The following DROSHA variants were observed in gnomAD, a reference collection of about 807,000 sequenced individuals.
DROSHA encodes the protein drosha ribonuclease III, also known as ribonuclease 3.
Under a neutral mutation model 181.9 loss-of-function variants are expected in DROSHA, and 56 were observed. The observed-to-expected ratio is 0.31, with a 90% CI of 0.25 to 0.38. DROSHA has a LOEUF of 0.38. Among genes scored for constraint, DROSHA ranks in the 10% least tolerant of loss-of-function variants. DROSHA has a pLI of 1.00. For missense variants in DROSHA, 1,218 were observed against 1,743.5 expected (o/e 0.70, Z 5.37); for synonymous variants, 524 against 591.2 (o/e 0.89, Z 1.65).
At chr5:31,522,381 T>C (rs1481703320) in intron 5 of DROSHA, among the ~76,000 whole-genome samples, 1 of 152,152 alleles carries the variant, frequency 6.6e-6, no homozygotes, top group Non-Finnish European at 1.5e-5. Context: ...TAATTTGTAA[T>C]GGCACGGCTG....
intron 30 of DROSHA, among the ~76,000 whole-genome samples, chr5:31,418,335 G>A (rs1365434174): frequency 6.6e-6 from 1 of 152,044 alleles, no homozygotes; most frequent in Non-Finnish European, 1.5e-5. Context: ...GCCCAGCCTG[G>A]AGTGCAGTGG....
At chr5:31,424,616 ATTT>A in intron 27 of DROSHA, 145 bp from the exon 28 acceptor site, 1 of 940,850 alleles carries the variant, frequency 1.1e-6, no homozygotes, top group Non-Finnish European at 1.5e-6. Context: ...TGGCAAACTA[ATTT>A]TTTTTTTAAG....
intron 9 of DROSHA, 51 bp from the exon 10 acceptor site, chr5:31,508,826 GT>G (rs66622695): frequency 5.6e-5 from 78 of 1,401,714 alleles, no homozygotes; most frequent in Middle Eastern, 1.9e-4. Flanking sequence ...TAACAAACTG[GT>G]TTTTTTTTTT....
intron 31 of DROSHA, 41 bp downstream of exon 31, chr5:31,410,705 C>A (rs1207794652): frequency 6.3e-7 from 1 of 1,595,538 alleles, no homozygotes; most frequent in Admixed American, 1.7e-5. Context: ...TGGACTTAAA[C>A]TCTGAACCTG....
intron 23 of DROSHA, among the ~76,000 whole-genome samples, chr5:31,446,092 T>C (rs1746211898): frequency 6.6e-6 from 1 of 152,110 alleles, no homozygotes. Context: ...ATAAAACCAA[T>C]ACACAAAAAT....
At chr5:31,464,388 C>CA in intron 19 of DROSHA, 45 bp from the exon 20 acceptor site, 1 of 1,545,600 alleles carries the variant, frequency 6.5e-7, no homozygotes, top group South Asian at 1.1e-5. Context: ...TGCTATAAAG[C>CA]AATAGTAAGC....
At chr5:31,473,289 C>T (rs1041967426) in intron 16 of DROSHA, among the ~76,000 whole-genome samples, 8 of 152,174 alleles carry the variant, frequency 5.3e-5, no homozygotes, top group Non-Finnish European at 1.2e-4. Flanking sequence ...ATGTGAATTG[C>T]TGTGGGCTAA....
intron 35 of DROSHA, among the ~76,000 whole-genome samples, chr5:31,402,488 TTTTCTG>T (rs143694073): frequency 0.017 from 2,564 of 152,306 alleles, 65 homozygotes; most frequent in African/African-American, 0.057. Flanking sequence ...TTGTTAATCT[TTTTCTG>T]TGCCTGATTT....
chr5:31,484,014 T>A (rs984253540), intron 15 of DROSHA, among the ~76,000 whole-genome samples: 1 of 152,118 alleles, frequency 6.6e-6, no homozygotes, highest in African/African-American at 2.4e-5. Context: ...AAAAAAATGT[T>A]GAGAAATGCT....
intron 6 of DROSHA, among the ~76,000 whole-genome samples, chr5:31,515,869 A>G (rs1323241259): frequency 6.6e-6 from 1 of 152,224 alleles, no homozygotes; most frequent in Admixed American, 6.5e-5. Context: ...AACTCAGTCA[A>G]TAAAGAAAGA....
intron 6 of DROSHA, among the ~76,000 whole-genome samples, chr5:31,517,739 G>GA (rs1207899651): frequency 6.6e-6 from 1 of 151,694 alleles, no homozygotes; most frequent in African/African-American, 2.4e-5. Flanking sequence ...CTATCCCAAG[G>GA]AAAAATTAAA....
Position 31,508,665 on chromosome 5 carries a change from G to T in DROSHA, c.1543C>A (p.Pro515Thr). Residue 515 changes from proline (P) to threonine (T), a missense_variant, in exon 10 of 36, where the codon CCT becomes ACT. Physicochemically the swap from Pro to Thr is conservative, Grantham distance 38 (BLOSUM62 -1). Around this residue, in one of 8 missense-constraint regions of DROSHA, gnomAD observed 460 missense variants for 774.2 expected, o/e 0.59. Coordinates refer to ENST00000344624, the MANE Select transcript of DROSHA (RefSeq NM_001382508.1). ...CAAAGTTCATCATGAAGTCGGTCAGGGTGGGCCTTTTTGCGTTTGATTTCT... is the reference window on the plus strand; with the variant it reads ...CAAAGTTCATCATGAAGTCGGTCAGTGTGGGCCTTTTTGCGTTTGATTTCT... ...IAEIKRKKAHPDRLHDELWYN... is the reference protein window; with the variant it reads ...IAEIKRKKAHTDRLHDELWYN... 6.2e-7 allele frequency: 1 copy of T among 1,613,910 alleles called. No individual in the cohort carries two copies. Among genetic ancestry groups the T allele is most frequent in the Non-Finnish European group, 8.5e-7 (1 of 1,179,862 alleles).
At chr5:31,441,726 T>C (rs1745620232) in intron 23 of DROSHA, among the ~76,000 whole-genome samples, 1 of 152,204 alleles carries the variant, frequency 6.6e-6, no homozygotes, top group Non-Finnish European at 1.5e-5. Flanking sequence ...AAGAAACCTA[T>C]TAAGCTGCTG....
chr5:31,478,297 T>C (rs891318548), intron 16 of DROSHA, among the ~76,000 whole-genome samples: 2 of 152,306 alleles, frequency 1.3e-5, no homozygotes, highest in South Asian at 4.1e-4. Context: ...CGACAGCTGA[T>C]GAGATTAAAA....
intron 26 of DROSHA, among the ~76,000 whole-genome samples, chr5:31,430,455 T>G (rs1240126940): frequency 1.3e-5 from 2 of 152,174 alleles, no homozygotes; most frequent in Non-Finnish European, 2.9e-5. Flanking sequence ...TTGCTCTGGA[T>G]TGGATGCTGC....
At chr5:31,467,826 A>G in intron 18 of DROSHA, 113 bp downstream of exon 18, 1 of 1,374,650 alleles carries the variant, frequency 7.3e-7, no homozygotes, top group Non-Finnish European at 9.8e-7. Flanking sequence ...AGTATGGCTC[A>G]TTTCAGGTCT....
At chr5:31,421,245 T>C (rs1742625781) in intron 30 of DROSHA, 27 bp downstream of exon 30, 1 of 1,549,942 alleles carries the variant, frequency 6.5e-7, no homozygotes, top group Non-Finnish European at 8.9e-7. Flanking sequence ...AGCAATCTTA[T>C]TGGAGGAAGT....
At chr5:31,504,223 G>A (rs936004762) in intron 11 of DROSHA, among the ~76,000 whole-genome samples, 4 of 152,142 alleles carry the variant, frequency 2.6e-5, no homozygotes, top group South Asian at 2.1e-4. Context: ...TAAGAGCGTC[G>A]CTCCAGGGCC....
At chr5:31,465,933 T>C (rs747799187) in intron 19 of DROSHA, among the ~76,000 whole-genome samples, 12 of 152,082 alleles carry the variant, frequency 7.9e-5, no homozygotes, top group Non-Finnish European at 1.2e-4. Flanking sequence ...TCTTTATAAA[T>C]TACCCAGTCT....
Sources: gnomAD v4.1 joint callset for allele counts (sites outside exome capture counted in the v4.1 genomes callset) on GRCh38, gnomAD v4.1.1 for gene constraint, gnomAD v4.1.1 regional missense constraint, MANE v1.5 for transcripts, NCBI Gene and HGNC (gene_info 2026-07-23, HGNC 2026-07-21) for gene names.